Variants in AGMO observed in about 807,000 individuals in gnomAD.
AGMO encodes the protein glyceryl-ether monooxygenase.
A neutral mutation model predicts 60.2 loss-of-function variants in AGMO; 75 were observed. That is an observed-to-expected ratio of 1.25 (90% confidence interval 1.03 to 1.51). The LOEUF (loss-of-function observed/expected upper bound fraction) is 1.51, where lower values mean the gene tolerates loss of function less well. Ranked by LOEUF, AGMO falls within the 40% of genes most tolerant of loss-of-function variation. The pLI, the probability that AGMO is intolerant of heterozygous loss-of-function variation, is 0.00. For missense variants in AGMO, 763 were observed against 525.5 expected, an observed-to-expected ratio of 1.45 and a Z score of -4.42; for synonymous variants, 261 against 177.1, an observed-to-expected ratio of 1.47 and a Z score of -3.76.
the AGMO span, among the ~76,000 whole-genome samples, chr7:15,160,048 A>G: frequency 1.8e-4 from 28 of 152,182 alleles, no homozygotes; most frequent in African/African-American, 6.8e-4. Flanking sequence ...TTTGCACTAT[A>G]TTGGATAATG....
At chr7:15,532,104 A>G (rs578099709) in intron 3 of AGMO, among the ~76,000 whole-genome samples, 14 of 152,316 alleles carry the variant, frequency 9.2e-5, no homozygotes, top group Non-Finnish European at 2.1e-4. Flanking sequence ...AAGCAGAGGA[A>G]GCATCACTTC....
intron 3 of AGMO, among the ~76,000 whole-genome samples, chr7:15,541,178 A>G (rs1343562076): frequency 4.6e-5 from 7 of 152,086 alleles, no homozygotes; most frequent in African/African-American, 1.7e-4. Context: ...GCTGGAGTGC[A>G]GTGGAACGGT....
chr7:15,396,135 AAAAGACTGTAAACCTTGTTTTAT>A (rs1784370836), intron 5 of AGMO: 1 of 152,254 alleles, frequency 6.6e-6, no homozygotes, highest in Admixed American at 6.5e-5. Context: ...ATTTGCATGC[AAAAGACTGTAAACCTTGTTTTAT>A]ATGTCAATTT....
intron 3 of AGMO, among the ~76,000 whole-genome samples, chr7:15,459,152 G>A (rs1782070427): frequency 6.6e-6 from 1 of 152,066 alleles, no homozygotes; most frequent in Non-Finnish European, 1.5e-5. Flanking sequence ...CACTTTAGTA[G>A]TTCAAGCTGT....
chr7:15,241,462 A>C (rs28587272), intron 12 of AGMO, among the ~76,000 whole-genome samples: 1,679 of 70,394 alleles, frequency 0.024, 2 homozygotes, highest in South Asian at 0.047. Flanking sequence ...TCCGTCTCAA[A>C]AAAAAAAAAA....
chr7:15,252,237 G>A (rs1782958931), intron 12 of AGMO, among the ~76,000 whole-genome samples: 2 of 152,206 alleles, frequency 1.3e-5, no homozygotes, highest in Admixed American at 6.5e-5. Context: ...GATCAGAAGG[G>A]TTAGTAGTGG....
At chr7:15,448,109 C>T (rs1413973949) in intron 3 of AGMO, among the ~76,000 whole-genome samples, 4 of 152,006 alleles carry the variant, frequency 2.6e-5, no homozygotes, top group African/African-American at 4.8e-5. Flanking sequence ...AGCAACAGAC[C>T]TAATCCTTTG....
chr7:15,297,391 G>A (rs2128524413), intron 12 of AGMO, among the ~76,000 whole-genome samples: 1 of 152,186 alleles, frequency 6.6e-6, no homozygotes, highest in African/African-American at 2.4e-5. Flanking sequence ...AGTTTTAAAT[G>A]GACTTTTTTC....
intron 12 of AGMO, chr7:15,358,523 T>C (rs1782631757): frequency 2.2e-6 from 1 of 448,152 alleles, no homozygotes; most frequent in South Asian, 1.6e-5. Context: ...AGGGTAAGAA[T>C]CCCTCCAGGG....
At chr7:15,202,546 C>T (rs1232824703) in intron 12 of AGMO, among the ~76,000 whole-genome samples, 2 of 145,256 alleles carry the variant, frequency 1.4e-5, no homozygotes, top group Non-Finnish European at 3.0e-5. Context: ...TCATATGAAC[C>T]TCCTGGATCT....
intron 12 of AGMO, among the ~76,000 whole-genome samples, chr7:15,268,265 G>A (rs1783491351): frequency 6.6e-6 from 1 of 151,818 alleles, no homozygotes. Context: ...ATTTCTTTAA[G>A]GAATACTCTA....
In AGMO at chr7:15,387,525, A is replaced by G; in HGVS notation, c.838T>C (p.Ser280Pro). The change falls in exon 9 of 13, where the codon TCC becomes CCC. Residue 280 changes from serine to proline, a missense_variant. By Grantham distance (74) the Ser-to-Pro change is moderately conservative (BLOSUM62 -1). Coordinates refer to ENST00000342526, the MANE Select transcript of AGMO (RefSeq NM_001004320.2). ...PIKVQFHHLF[S>P]IWTTFWATPG... ...GTGGCCCAGAATGTAGTCCATATGG[A>G]AAATAAGTGATGGAACTAGAAACAA... 6.2e-7 allele frequency: 1 copy of G among 1,610,384 alleles called. No homozygotes were observed. Among genetic ancestry groups the G allele is most frequent in the East Asian group, 2.2e-5 (1 of 44,858 alleles).
chr7:15,325,392 T>C (rs916576862), intron 12 of AGMO, among the ~76,000 whole-genome samples: 3 of 152,144 alleles, frequency 2.0e-5, no homozygotes, highest in Non-Finnish European at 4.4e-5. Context: ...TATCTGCAAT[T>C]ATTTAATCAG....
At chr7:15,380,004 T>C (rs916252866) in intron 10 of AGMO, among the ~76,000 whole-genome samples, 6 of 152,108 alleles carry the variant, frequency 3.9e-5, no homozygotes, top group East Asian at 1.9e-4. Flanking sequence ...TTGAAGGAAA[T>C]TGCCTCAAAA....
chr7:15,395,326 AGAGAT>A (rs560210083), intron 5 of AGMO, among the ~76,000 whole-genome samples: 271 of 152,316 alleles, frequency 1.8e-3, no homozygotes, highest in Non-Finnish European at 3.3e-3. Flanking sequence ...GGGAAGAAAT[AGAGAT>A]AAGACTGCTT....
In AGMO at chr7:15,354,477, CGT is replaced by C. The variant is rs1554422763; in HGVS notation, c.1263+11035_1263+11036del. 8.1e-3 allele frequency among the ~76,000 whole-genome samples: 105 copies of C among 13,030 alleles called. 9 individuals are homozygous for C. The highest frequency in any genetic ancestry group is 0.027 in the African/African-American group (84 of 3,100). 8.5% of individuals were successfully genotyped at this position (13,030 alleles called of 152,430 possible). On this transcript the variant is annotated intron_variant, in intron 12 of 12. Coordinates refer to ENST00000342526, the MANE Select transcript of AGMO (RefSeq NM_001004320.2). ...GTATACACACGTGTGTGTATACACA[CGT>C]GTGTATATACACACGTGTATATATA... is the stretch of plus-strand genomic sequence containing the variant.
At chr7:15,211,481 C>A (rs1056119031) in intron 12 of AGMO, among the ~76,000 whole-genome samples, 11 of 151,620 alleles carry the variant, frequency 7.3e-5, no homozygotes, top group African/African-American at 2.7e-4. Context: ...TAGTGGGTAA[C>A]TATTACAATT....
At chr7:15,491,899 A>G (rs948840631) in intron 3 of AGMO, among the ~76,000 whole-genome samples, 5 of 152,148 alleles carry the variant, frequency 3.3e-5, no homozygotes, top group African/African-American at 1.2e-4. Context: ...ATCACCTTTC[A>G]ACTGGTTGGG....
At chr7:15,242,357 C>T (rs576268281) in intron 12 of AGMO, among the ~76,000 whole-genome samples, 28 of 152,234 alleles carry the variant, frequency 1.8e-4, no homozygotes, top group African/African-American at 6.0e-4. Flanking sequence ...AATTTAAGTC[C>T]TAATTCCATC....
Sources: allele counts gnomAD v4.1 joint callset (sites outside exome capture counted in the v4.1 genomes callset), GRCh38; gene constraint gnomAD v4.1.1; transcripts MANE v1.5; gene names NCBI Gene and HGNC (gene_info 2026-07-23, HGNC 2026-07-21).